The following SPNS3 variants were observed in gnomAD, a reference collection of about 807,000 sequenced individuals.
SPNS3 encodes SPNS lysolipid transporter 3, sphingosine-1-phosphate (putative).
Under a neutral mutation model 54.4 loss-of-function variants are expected in SPNS3, and 51 were observed. The ratio of observed to expected loss-of-function variants is 0.94; its 90% CI spans 0.75 to 1.18. SPNS3 has a LOEUF of 1.18. Ranked by LOEUF, SPNS3 falls within the 50% of genes most tolerant of loss-of-function variation. The probability of loss-of-function intolerance (pLI) is 0.00; values close to 1 mark genes in which losing one functional copy is unlikely to be tolerated. For missense variants in SPNS3, 669 were observed against 677.4 expected (o/e 0.99, Z 0.14); for synonymous variants, 309 against 294.7 (o/e 1.05, Z -0.50).
chr17:4,481,287 C>A (rs1479835287), intron 9 of SPNS3, among the ~76,000 whole-genome samples: 8 of 151,884 alleles, frequency 5.3e-5, no homozygotes, highest in Non-Finnish European at 1.0e-4. Flanking sequence ...GAGGAAGTGG[C>A]CTCCCAGCAG....
intron 1 of SPNS3, among the ~76,000 whole-genome samples, chr17:4,436,724 C>G (rs1481631111): frequency 6.6e-6 from 1 of 152,208 alleles, no homozygotes; most frequent in Non-Finnish European, 1.5e-5. Flanking sequence ...GGACTTTCTG[C>G]CTTGGGCAAT....
chr17:4,445,219 T>C, intron 3 of SPNS3, 51 bp downstream of exon 3: 1 of 1,553,550 alleles, frequency 6.4e-7, no homozygotes, highest in Non-Finnish European at 8.7e-7. Flanking sequence ...CCCCACCTGC[T>C]TCCTCCCTGA....
chr17:4,458,621 C>CTTTCTTTCTTTCTTTCT (rs1555530836), intron 8 of SPNS3, among the ~76,000 whole-genome samples: 3,400 of 115,048 alleles, frequency 0.03, 154 homozygotes, highest in Middle Eastern at 0.055. Context: ...TTCTTTCTTT[C>CTTTCTTTCTTTCTTTCT]TTTCTTTCTT....
intron 8 of SPNS3, among the ~76,000 whole-genome samples, chr17:4,457,786 G>A (rs1272722726): frequency 6.6e-6 from 1 of 152,174 alleles, no homozygotes; most frequent in African/African-American, 2.4e-5. Context: ...CATCTCTAGA[G>A]CTGGTTGTCT....
rs1972303107 is a variant in SPNS3 at position 4,486,030 on chromosome 17, G to A, written c.1180-198G>A. 4.1e-6 allele frequency: 2 copies of A among 484,824 alleles called. No homozygotes were observed. Among genetic ancestry groups the A allele is most frequent in the Non-Finnish European group, 7.1e-6 (2 of 279,984 alleles). The allele number at this position is 484,824 out of a possible 1,614,324, so 30.0% of individuals were successfully genotyped here. A position where few individuals can be genotyped will look rare whatever the true frequency, so the allele number is the denominator to read the frequency against. ...GGGGCCTTGGCACCCCCATCCTGGG[G>A]CACTGGGGAAGCTTCAGATGGGCTT... is the stretch of plus-strand genomic sequence containing the variant. On this transcript the variant is annotated intron_variant, in intron 9 of 11. Coordinates refer to ENST00000355530, the MANE Select transcript of SPNS3 (RefSeq NM_182538.5). The surrounding 1 kb of genome is among the most constrained non-coding windows in gnomAD (Gnocchi z 5.5).
At position 4,434,175 on chromosome 17, in the gene SPNS3, G is replaced by GGGAT. The variant is rs1462959562; in HGVS notation, c.199+12_199+15dup. 2.5e-6 allele frequency: 4 copies of GGGAT among 1,604,274 alleles called. No individual in the cohort carries two copies. In the Admixed American group the frequency reaches 5.1e-5, roughly 20 times the overall value. ...CTGGTTCATCATTGCAGGTGAGGAG[G>GGGAT]GGATGGCTACCCTGGGCAGTACCTG... On this transcript the variant is annotated intron_variant, in intron 1 of 11. Transcript: ENST00000355530.
rs182364702 is a variant in SPNS3 at position 4,484,800 on chromosome 17, C to G, written c.1180-1428C>G. Among the ~76,000 whole-genome samples, 197 of 151,910 alleles carry G rather than the reference C, an allele frequency of 1.3e-3. 1 individual carries two copies. Among genetic ancestry groups the G allele is most frequent in the African/African-American group, 4.6e-3 (191 of 41,412 alleles). On this transcript the variant is annotated intron_variant, in intron 9 of 11. Transcript: ENST00000355530. ...GTAGCCCTGGGTTCTGGCAGACTTT[C>G]TCCTGGGAATAGTCTCCCAGATGGA...
At chr17:4,481,456 A>C (rs1972148681) in intron 9 of SPNS3, among the ~76,000 whole-genome samples, 1 of 152,172 alleles carries the variant, frequency 6.6e-6, no homozygotes, top group Non-Finnish European at 1.5e-5. Flanking sequence ...AACAGGGTCC[A>C]CAGAACAAGG....
At position 4,443,880 on chromosome 17, in the gene SPNS3, C is replaced by T. The variant is rs186966913; in HGVS notation, c.266-1152C>T. ...CTTTAGGAGGCCGAGGTGGGCGGAT[C>T]CCTTGAGCCCAGGAGTTCGAGACCA... On this transcript the variant is annotated intron_variant, in intron 2 of 11. Coordinates refer to ENST00000355530, the MANE Select transcript of SPNS3 (RefSeq NM_182538.5). 1.1e-4 allele frequency among the ~76,000 whole-genome samples: 16 copies of T among 152,362 alleles called. No homozygotes were observed. In the East Asian group the frequency reaches 2.9e-3, roughly 28 times the overall value.
chr17:4,479,193 G>A (rs1043080453), intron 9 of SPNS3, among the ~76,000 whole-genome samples: 5 of 152,164 alleles, frequency 3.3e-5, no homozygotes, highest in East Asian at 1.9e-4. Context: ...TGCCCGCTTC[G>A]GCCTCCCAAA....
In SPNS3 at chr17:4,486,310, C is replaced by T. The variant is rs375387253; in HGVS notation, c.1262C>T (p.Pro421Leu). 19 of 1,598,034 alleles carry T rather than the reference C, an allele frequency of 1.2e-5. No homozygotes were observed. In the South Asian group the frequency reaches 1.6e-4, roughly 13 times the overall value. The stretch of plus-strand genomic sequence containing the variant: ...CACATCCTGGGAGACGCTGGCAGCC[C>T]CTATCTCACAGGACTTGTAAGACGT... ...VGHILGDAGS[P>L]YLTGLISSVL... Residue 421 changes from proline (P) to leucine (L), a missense_variant, in exon 10 of 12, where the codon CCC becomes CTC. Physicochemically the swap from Pro to Leu is moderately conservative, Grantham distance 98. Coordinates refer to ENST00000355530, the MANE Select transcript of SPNS3 (RefSeq NM_182538.5). The surrounding 1 kb of genome is among the most constrained non-coding windows in gnomAD (Gnocchi z 5.5).
chr17:4,473,532 C>T (rs1306422588), intron 8 of SPNS3, among the ~76,000 whole-genome samples: 2 of 151,854 alleles, frequency 1.3e-5, no homozygotes, highest in Non-Finnish European at 2.9e-5. Flanking sequence ...GGATTACAGG[C>T]ACCCGCCGCC....
chr17:4,436,519 G>T (rs1402565603), intron 1 of SPNS3, among the ~76,000 whole-genome samples: 2 of 108,078 alleles, frequency 1.9e-5, no homozygotes, highest in East Asian at 1.9e-4. Context: ...GAAGCAGGAG[G>T]ATTGCTTGAG....
At chr17:4,462,162 C>A (rs1324674664) in intron 8 of SPNS3, among the ~76,000 whole-genome samples, 26 of 108 alleles carry the variant, frequency 0.24, 1 homozygote, top group Non-Finnish European at 0.25. Context: ...TCCATCCATC[C>A]ATCCATCCAT....
intron 8 of SPNS3, among the ~76,000 whole-genome samples, chr17:4,460,495 G>C (rs1213947057): frequency 3.4e-5 from 5 of 146,006 alleles, no homozygotes. Flanking sequence ...GCAGTGGCGT[G>C]ATCTCGGCTC....
chr17:4,445,406 G>A (rs1307513611), intron 3 of SPNS3, among the ~76,000 whole-genome samples: 2 of 147,708 alleles, frequency 1.4e-5, no homozygotes, highest in Admixed American at 6.8e-5. Context: ...ACAGAATTTC[G>A]CTCTTGTTGC....
At chr17:4,441,603 C>A (rs1249003229) in intron 2 of SPNS3, among the ~76,000 whole-genome samples, 1 of 151,428 alleles carries the variant, frequency 6.6e-6, no homozygotes, top group Non-Finnish European at 1.5e-5. Flanking sequence ...TTTTTTTTTC[C>A]TTTTTTTCTT....
intron 5 of SPNS3, 61 bp downstream of exon 5, chr17:4,447,023 C>A: frequency 6.3e-7 from 1 of 1,586,988 alleles, no homozygotes; most frequent in South Asian, 1.1e-5. Context: ...GACTTTCCAG[C>A]CTTGGGTGAC....
chr17:4,436,658 C>G (rs1466247846), intron 1 of SPNS3, among the ~76,000 whole-genome samples: 2 of 152,126 alleles, frequency 1.3e-5, no homozygotes, highest in Admixed American at 6.5e-5. Context: ...AACAAAAAAC[C>G]CCAAAGGGGT....
Sources: allele counts gnomAD v4.1 joint callset (sites outside exome capture counted in the v4.1 genomes callset), GRCh38; gene constraint gnomAD v4.1.1; non-coding constraint Gnocchi (gnomAD v3.1); transcripts MANE v1.5; gene names NCBI Gene and HGNC (gene_info 2026-07-23, HGNC 2026-07-21).